The following SS18L1 variants were observed in gnomAD, a reference collection of about 807,000 sequenced individuals.
SS18L1 encodes calcium-responsive transactivator.
Under a neutral mutation model 70.3 loss-of-function variants are expected in SS18L1, and 32 were observed. The observed-to-expected ratio is 0.46, with a 90% CI of 0.34 to 0.61. SS18L1 has a LOEUF of 0.61. SS18L1 is among the 20% of genes least tolerant of loss of function. The pLI is 0.01. For synonymous variants in SS18L1, 237 were observed against 229.7 expected, an observed-to-expected ratio of 1.03 and a Z score of -0.29; for missense variants, 430 against 542.1, an observed-to-expected ratio of 0.79 and a Z score of 2.05.
intron 1 of SS18L1, among the ~76,000 whole-genome samples, chr20:62,157,691 T>G (rs2057247944): frequency 6.6e-6 from 1 of 152,154 alleles, no homozygotes; most frequent in Non-Finnish European, 1.5e-5. Flanking sequence ...ACACACACTT[T>G]ATGTGTAAGA....
chr20:62,149,950 T>TTGTTG (rs781074950), intron 1 of SS18L1, among the ~76,000 whole-genome samples: 1 of 152,176 alleles, frequency 6.6e-6, no homozygotes, highest in Non-Finnish European at 1.5e-5. Context: ...CACAGTGATT[T>TTGTTG]TGTTGTGTTG....
chr20:62,171,124 G>T (rs6061447), intron 8 of SS18L1, among the ~76,000 whole-genome samples: 11,261 of 152,024 alleles, frequency 0.074, 1,320 homozygotes, highest in African/African-American at 0.25. Flanking sequence ...GGATGATCTC[G>T]ATCTCCTGAC....
At chr20:62,151,890 T>G (rs1429668137) in intron 1 of SS18L1, among the ~76,000 whole-genome samples, 1 of 110,874 alleles carries the variant, frequency 9.0e-6, no homozygotes, top group South Asian at 3.1e-4. Context: ...CCCGTTCCCC[T>G]CTTTTCCCGA....
intron 6 of SS18L1, 25 bp downstream of exon 6, chr20:62,163,647 CG>C: frequency 6.5e-7 from 1 of 1,533,746 alleles, no homozygotes; most frequent in Admixed American, 2.0e-5. Flanking sequence ...GGCCAGGTCG[CG>C]GGCACAGCTG....
rs763418250 is a variant in SS18L1, at chr20:62,172,760, A to T, written c.995A>T (p.Tyr332Phe). 6.2e-7 allele frequency: 1 copy of T among 1,613,686 alleles called. No individual in the cohort carries two copies. Residue 332 changes from tyrosine (Y) to phenylalanine (F), a missense_variant, in exon 9 of 11, where the codon TAC (tyrosine) becomes TTC (phenylalanine). Transcript: ENST00000331758. ...CAGCAGACGTACTCCCAGCAGCAGT[A>T]CCCCAGCCAGCAGAGCTACCCCGGG... ...AQQQTYSQQQ[Y>F]PSQQSYPGQQ...
intron 9 of SS18L1, among the ~76,000 whole-genome samples, chr20:62,173,921 G>A (rs1217952941): frequency 6.6e-6 from 1 of 151,912 alleles, no homozygotes; most frequent in Non-Finnish European, 1.5e-5. Flanking sequence ...GGCTGAGGCA[G>A]GAGAATCACT....
At position 62,151,343 on chromosome 20, in the gene SS18L1, G is replaced by A. The variant is rs551373350; in HGVS notation, c.70-7329G>A. 2.0e-4 allele frequency among the ~76,000 whole-genome samples: 30 copies of A among 152,260 alleles called. 1 individual carries two copies. The East Asian group carries it at 5.0e-3, about 26-fold the overall frequency. On this transcript the variant is annotated intron_variant, in intron 1 of 10. Coordinates refer to ENST00000331758, the MANE Select transcript of SS18L1 (RefSeq NM_198935.3). ...CTCCAAGCCAAGCCCCGTGTCCCCC[G>A]TCAGTCCCCGCTTGCCAAATCCAGT...
intron 10 of SS18L1, 28 bp from the exon 11 acceptor site, chr20:62,179,154 G>T (rs1198984466): frequency 1.2e-6 from 2 of 1,613,866 alleles, no homozygotes; most frequent in South Asian, 1.1e-5. Flanking sequence ...TACTATAGGG[G>T]TGTAATCTGT....
intron 8 of SS18L1, among the ~76,000 whole-genome samples, chr20:62,166,607 A>G (rs2145757278): frequency 6.6e-6 from 1 of 151,976 alleles, no homozygotes; most frequent in African/African-American, 2.4e-5. Context: ...AACAAAAAGT[A>G]CATGAATACA....
intron 1 of SS18L1, among the ~76,000 whole-genome samples, chr20:62,148,881 G>A (rs1008920541): frequency 5.3e-5 from 8 of 152,234 alleles, no homozygotes; most frequent in South Asian, 4.1e-4. Flanking sequence ...CCCTTTACCC[G>A]TGACCTTTCC....
rs746387812 is a variant in SS18L1 at position 62,182,351 on chromosome 20, TTTGTC to T, written c.*3148_*3152del. The T allele has an allele frequency of 2.4e-5, 5 of 208,582 alleles. No homozygotes were observed. Among genetic ancestry groups the T allele is most frequent in the African/African-American group, 4.6e-5 (2 of 43,900 alleles). 12.9% of individuals were successfully genotyped at this position (208,582 alleles called of 1,614,324 possible). ...ATTTCTATTTATTGAACAGGTCAAA[TTTGTC>T]TTGTTATTTGTGAGTACAGTACATT... On this transcript the variant is annotated 3_prime_UTR_variant, in exon 11 of 11. Coordinates refer to ENST00000331758, the MANE Select transcript of SS18L1 (RefSeq NM_198935.3).
intron 7 of SS18L1, 150 bp downstream of exon 7, chr20:62,164,396 C>T (rs2057390615): frequency 1.2e-6 from 1 of 837,990 alleles, no homozygotes; most frequent in Non-Finnish European, 1.8e-6. Flanking sequence ...TGGCCAGACG[C>T]CCTGCAGGAG....
intron 8 of SS18L1, among the ~76,000 whole-genome samples, chr20:62,171,884 C>T (rs969486505): frequency 2.0e-5 from 3 of 151,984 alleles, no homozygotes; most frequent in Admixed American, 6.6e-5. Flanking sequence ...TGGGCATGGT[C>T]GGGCACCGTG....
chr20:62,144,572 G>A (rs1008584584), intron 1 of SS18L1, among the ~76,000 whole-genome samples: 3 of 152,260 alleles, frequency 2.0e-5, no homozygotes, highest in African/African-American at 7.2e-5. Context: ...GGGTTTCAGC[G>A]TGACACCCTC....
intron 8 of SS18L1, among the ~76,000 whole-genome samples, chr20:62,172,202 CTG>C (rs2145777810): frequency 6.6e-6 from 1 of 151,814 alleles, no homozygotes; most frequent in South Asian, 2.1e-4. Context: ...CTGGCACACA[CTG>C]TAGTCCTAGC....
chr20:62,148,766 G>A (rs2057077274), intron 1 of SS18L1, among the ~76,000 whole-genome samples: 1 of 152,252 alleles, frequency 6.6e-6, no homozygotes, highest in Non-Finnish European at 1.5e-5. Flanking sequence ...TGTAAAGCCT[G>A]GCCATACACC....
chr20:62,147,773 C>T (rs1052491797), intron 1 of SS18L1, among the ~76,000 whole-genome samples: 20 of 151,970 alleles, frequency 1.3e-4, no homozygotes, highest in African/African-American at 4.4e-4. Flanking sequence ...GGGTTAGTGC[C>T]GTGCCCAGGG....
At chr20:62,154,464 T>G in intron 1 of SS18L1, 2 of 1,029,026 alleles carry the variant, frequency 1.9e-6, no homozygotes, top group Non-Finnish European at 2.3e-6. Flanking sequence ...GAAACCTCCA[T>G]GGTGAGTTCA....
chr20:62,181,804 A>G lies in SS18L1; in HGVS notation c.*2596A>G, dbSNP rs775732184. ...AATGTTGAGCAAAGCTTAGGCCAAC[A>G]TGAATTGTTTGTGAAGTGTGGTTGA... On this transcript the variant is annotated 3_prime_UTR_variant, in exon 11 of 11. Coordinates refer to ENST00000331758, the MANE Select transcript of SS18L1 (RefSeq NM_198935.3). 3 of 227,328 alleles carry G rather than the reference A, an allele frequency of 1.3e-5. No individual in the cohort carries two copies. The highest frequency in any genetic ancestry group is 1.7e-5 in the Non-Finnish European group (2 of 114,490). 14.1% of individuals were successfully genotyped at this position (227,328 alleles called of 1,614,324 possible).
Sources: allele counts gnomAD v4.1 joint callset (sites outside exome capture counted in the v4.1 genomes callset), GRCh38; gene constraint gnomAD v4.1.1; transcripts MANE v1.5; gene names NCBI Gene and HGNC (gene_info 2026-07-23, HGNC 2026-07-21).